BCOR: variants seen among roughly 807,000 people sequenced by gnomAD.
BCOR encodes BCL-6 corepressor.
Under a neutral mutation model 86.7 loss-of-function variants are expected in BCOR, and 10 were observed. That is an observed-to-expected ratio of 0.12 (90% CI 0.07 to 0.20). The LOEUF is 0.20. BCOR is among the 10% of genes least tolerant of loss of function. BCOR has a pLI of 1.00. For synonymous variants in BCOR, 611 were observed against 609.0 expected (o/e 1.00, Z -0.05); for missense variants, 1,259 against 1,452.1 (o/e 0.87, Z 2.16).
chrX:40,060,036 CTTTTTAGCTAAGCAGAAGACAATG>C (rs1934793094), intron 10 of BCOR, among the ~76,000 whole-genome samples: 2 of 111,841 alleles, frequency 1.8e-5, no homozygotes, highest in Non-Finnish European at 3.8e-5. Flanking sequence ...CATGTGGTAT[CTTTTTAGCTAAGCAGAAGACAATG>C]ATAAAGAGGG....
chrX:40,124,635 C>G (rs1937521040), intron 1 of BCOR, among the ~76,000 whole-genome samples: 1 of 110,179 alleles, frequency 9.1e-6, no homozygotes, highest in African/African-American at 3.3e-5. Flanking sequence ...GGGGGTCTCA[C>G]TCTGTCACCC....
At position 40,139,479 on chromosome X, in the gene BCOR, ATATATATATATATATATATT is replaced by A. The variant is rs1569192716; in HGVS notation, c.-41+37508_-41+37527del. On this transcript the variant is annotated intron_variant, in intron 1 of 14. Coordinates refer to the BCOR transcript ENST00000342274. ...TACATATATATATATATATATATAT[ATATATATATATATATATATT>A]TTTTTTTTTTTTTAAGCATCAGCCT... is the stretch of plus-strand genomic sequence containing the variant. Among the ~76,000 whole-genome samples the A allele has an allele frequency of 2.5e-4, 3 of 11,883 alleles. 1 individual carries two copies. The highest frequency in any genetic ancestry group is 1.7e-3 in the African/African-American group (3 of 1,784). 10.3% of individuals were successfully genotyped at this position (11,883 alleles called of 115,157 possible). A position where few individuals can be genotyped will look rare whatever the true frequency, so the allele number is the denominator to read the frequency against.
chrX:40,175,339 C>T (rs1387070351), intron 1 of BCOR, among the ~76,000 whole-genome samples: 1 of 113,362 alleles, frequency 8.8e-6, no homozygotes. Flanking sequence ...TTTCGCGGCC[C>T]GGGCCCGGCG....
intron 1 of BCOR, among the ~76,000 whole-genome samples, chrX:40,173,742 C>T (rs1938681192): frequency 8.9e-6 from 1 of 112,120 alleles, no homozygotes; most frequent in African/African-American, 3.2e-5. Flanking sequence ...CGCTGGTTTC[C>T]AGGACCTCCA....
In BCOR at chrX:40,062,672, C is replaced by T. The variant is rs1167336574; in HGVS notation, c.4173+74G>A. 57 of 997,898 alleles carry T rather than the reference C, an allele frequency of 5.7e-5. No homozygotes were observed. The South Asian group carries it at 1.1e-3, about 19-fold the overall frequency. 82.2% of individuals were successfully genotyped at this position (997,898 alleles called of 1,213,427 possible). On this transcript the variant is annotated intron_variant, in intron 9 of 14. Transcript: ENST00000378444. ...AGTCCAGGAAAAGGAAAGCTTTGTC[C>T]CCTCAAGCTGGGAAGCAGGCAGGCG...
intron 1 of BCOR, among the ~76,000 whole-genome samples, chrX:40,167,820 C>T (rs184091228): frequency 8.9e-6 from 1 of 112,937 alleles, no homozygotes; most frequent in African/African-American, 3.2e-5. Context: ...ATGACCTTTG[C>T]GAAAGGCAAT....
At chrX:40,101,480 C>T (rs765682254), upstream of BCOR, among the ~76,000 whole-genome samples, 3 of 113,252 alleles carry the variant, frequency 2.6e-5, no homozygotes, top group African/African-American at 9.6e-5. Flanking sequence ...GCTGCCCCTC[C>T]GCCACCAATC....
chrX:40,119,146 T>C (rs1937443884), intron 1 of BCOR, among the ~76,000 whole-genome samples: 1 of 111,669 alleles, frequency 9.0e-6, no homozygotes, highest in Admixed American at 9.5e-5. Context: ...GACTCTGTTT[T>C]TTAAGATGCA....
intron 1 of BCOR, among the ~76,000 whole-genome samples, chrX:40,109,022 C>CGCGGCG (rs939110543): frequency 5.3e-5 from 6 of 113,127 alleles, no homozygotes; most frequent in Admixed American, 9.2e-5. Flanking sequence ...CTCCCGGGAA[C>CGCGGCG]GCGGCGGCGG....
Position 40,071,147 on chromosome X carries a change from G to A in BCOR, c.3064C>T (p.Arg1022Cys), listed in dbSNP as rs1436399315. 2 of 1,199,925 alleles carry A rather than the reference G, an allele frequency of 1.7e-6. No homozygotes were observed. Among genetic ancestry groups the A allele is most frequent in the Admixed American group, 2.2e-5 (1 of 44,938 alleles). The change falls in exon 6 of 15, where the codon CGC becomes TGC. Residue 1022 changes from arginine to cysteine, a missense_variant. Physicochemically the swap from Arg to Cys is radical, Grantham distance 180. Transcript: ENST00000378444. ...PAAYCERAMM[R>C]FSELEMKERE... ...TCTTTCATCTCCAACTCTGAGAAGC[G>A]CATCATTGCACGCTAGAAAGAGAAC...
intron 8 of BCOR, 125 bp downstream of exon 8, chrX:40,063,483 C>A: frequency 1.8e-6 from 1 of 570,450 alleles, no homozygotes; most frequent in Non-Finnish European, 2.9e-6. Context: ...TCCCTGCCTG[C>A]CACATCTTCG....
chrX:40,109,262 T>TGCCCCC (rs1385002506), intron 1 of BCOR, among the ~76,000 whole-genome samples: 1 of 111,127 alleles, frequency 9.0e-6, no homozygotes, highest in Non-Finnish European at 1.9e-5. Context: ...TCGGCGCGGG[T>TGCCCCC]GCCCCCACCC....
rs757991049 is a variant in BCOR at position 40,064,498 on chromosome X, C to T, written c.3340G>A (p.Glu1114Lys). The change falls in exon 7 of 15, where the codon GAG (glutamate) becomes AAG (lysine). Residue 1114 changes from glutamate to lysine, a missense_variant. Coordinates refer to ENST00000378444, the MANE Select transcript of BCOR (RefSeq NM_001123385.2). ...KYFVERQPVS[E>K]PPADQVASDM... ...GAGGCCACCTGGTCTGCGGGAGGCT[C>T]GCTCACAGGCTGCCTCTCCACAAAG... is the stretch of plus-strand genomic sequence containing the variant. 30 of 1,210,948 alleles carry T rather than the reference C, an allele frequency of 2.5e-5. No homozygotes were observed. The highest frequency in any genetic ancestry group is 7.0e-5 in the South Asian group (4 of 56,893).
intron 3 of BCOR, 82 bp downstream of exon 3, chrX:40,076,372 T>G: frequency 8.4e-5 from 64 of 761,750 alleles, no homozygotes; most frequent in Non-Finnish European, 1.1e-4. Context: ...TCCCCACCCT[T>G]TAAGGGCATG....
chrX:40,089,003 C>T (rs1485169883), intron 1 of BCOR, among the ~76,000 whole-genome samples: 1 of 111,564 alleles, frequency 9.0e-6, no homozygotes, highest in Non-Finnish European at 1.9e-5. Flanking sequence ...ATGCAAACTA[C>T]GGTAACAAAG....
intron 11 of BCOR, 131 bp downstream of exon 11, chrX:40,057,024 T>C (rs1175806803): frequency 1.6e-5 from 11 of 709,207 alleles, no homozygotes; most frequent in Non-Finnish European, 2.4e-5. Flanking sequence ...GAGAACCCAG[T>C]GGTCAGTGTG....
chrX:40,169,527 T>TG (rs1938575202), intron 1 of BCOR, among the ~76,000 whole-genome samples: 1 of 111,315 alleles, frequency 9.0e-6, no homozygotes, highest in Non-Finnish European at 1.9e-5. Context: ...GTGTGGCTTT[T>TG]GTTTCTCTTT....
intron 1 of BCOR, among the ~76,000 whole-genome samples, chrX:40,152,189 G>C (rs1328157003): frequency 4.5e-5 from 5 of 111,260 alleles, no homozygotes; most frequent in Non-Finnish European, 9.5e-5. Flanking sequence ...ACTCGGGCCG[G>C]GGAATTTAGT....
Position 40,073,998 on chromosome X carries a change from C to T in BCOR, c.1348G>A (p.Val450Ile), listed in dbSNP as rs773379925. The T allele has an allele frequency of 5.0e-6, 6 of 1,211,116 alleles. No individual in the cohort carries two copies. In the East Asian group the frequency reaches 1.8e-4, roughly 36 times the overall value. ...ATGTGGTCAGCTTTGGAAGCATCTA[C>T]ATCCACCACTTTAGAAGACAAGTCT... ...PLDLSSKVVD[V>I]DASKADHMKK... Residue 450 changes from valine to isoleucine, a missense_variant, in exon 4 of 15, where the codon GTA becomes ATA. Physicochemically the swap from Val to Ile is conservative, Grantham distance 29. Coordinates refer to ENST00000378444, the MANE Select transcript of BCOR (RefSeq NM_001123385.2).
Sources: gnomAD v4.1 joint callset for allele counts (sites outside exome capture counted in the v4.1 genomes callset) on GRCh38, gnomAD v4.1.1 for gene constraint, MANE v1.5 for transcripts, NCBI Gene and HGNC (gene_info 2026-07-23, HGNC 2026-07-21) for gene names.